The following CUX1 variants were observed in gnomAD, a reference collection of about 807,000 sequenced individuals.
CUX1 encodes cut like homeobox 1.
CUX1 carries 31 observed loss-of-function variants against 158.8 expected under a neutral mutation model. That is an observed-to-expected ratio of 0.20 (90% CI 0.15 to 0.26). CUX1 has a LOEUF of 0.26. Among genes scored for constraint, CUX1 ranks in the 10% least tolerant of loss-of-function variants. The probability of loss-of-function intolerance (pLI) is 1.00; values close to 1 mark genes in which losing one functional copy is unlikely to be tolerated. For missense variants in CUX1, 1,589 were observed against 2,014.6 expected (o/e 0.79, Z 4.04); for synonymous variants, 879 against 862.1 (o/e 1.02, Z -0.34).
chr7:102,262,846 G>A (rs1056053903), downstream of CUX1, among the ~76,000 whole-genome samples: 7 of 152,270 alleles, frequency 4.6e-5, no homozygotes, highest in African/African-American at 9.6e-5. Context: ...AAGGCTGACC[G>A]TGGGCCGCTG....
At chr7:101,833,962 T>G (rs1794345958) in intron 1 of CUX1, among the ~76,000 whole-genome samples, 1 of 151,618 alleles carries the variant, frequency 6.6e-6, no homozygotes, top group Admixed American at 6.6e-5. Flanking sequence ...ACCGAGTAGG[T>G]GGGGTGCTGG....
Position 102,227,682 on chromosome 7 carries a change from C to G in CUX1, c.3433+13C>G, listed in dbSNP as rs376812349. 6.3e-7 allele frequency: 1 copy of G among 1,599,004 alleles called. No individual in the cohort carries two copies. The highest frequency in any genetic ancestry group is 8.5e-7 in the Non-Finnish European group (1 of 1,170,550). On this transcript the variant is annotated intron_variant, in intron 21 of 23. Transcript: ENST00000292535. ...GACAACAACCTCGGTAGGTTCTCCT[C>G]TCGGCTGCTGAGTCAGGAGGTGGCA...
intron 4 of CUX1, among the ~76,000 whole-genome samples, chr7:102,076,392 TAAAATTA>T (rs1297383191): frequency 6.8e-6 from 1 of 146,372 alleles, no homozygotes; most frequent in Non-Finnish European, 1.5e-5. Flanking sequence ...AAAAAATAAA[TAAAATTA>T]AAAAAAAAAG....
chr7:102,081,048 A>G (rs1485400575), intron 4 of CUX1, among the ~76,000 whole-genome samples: 2 of 152,146 alleles, frequency 1.3e-5, no homozygotes, highest in Non-Finnish European at 1.5e-5. Context: ...TCCCCATCAC[A>G]GCAGAACTCC....
chr7:102,174,557 C>T (rs1241830241), intron 10 of CUX1, among the ~76,000 whole-genome samples: 1 of 152,234 alleles, frequency 6.6e-6, no homozygotes, highest in Non-Finnish European at 1.5e-5. Flanking sequence ...CCCCAAGCCC[C>T]TCTCTGTTTC....
chr7:101,902,651 T>G (rs1025228994), intron 1 of CUX1, among the ~76,000 whole-genome samples: 1 of 152,246 alleles, frequency 6.6e-6, no homozygotes, highest in Admixed American at 6.5e-5. Context: ...CTGTGCCGGA[T>G]GCAGCTGTGC....
At chr7:102,246,524 C>G (rs976172123) in intron 23 of CUX1, among the ~76,000 whole-genome samples, 7 of 152,110 alleles carry the variant, frequency 4.6e-5, no homozygotes, top group Admixed American at 4.6e-4. Flanking sequence ...CAGGGGAGTC[C>G]CCACAGTCAG....
chr7:101,941,478 T>C (rs973541960), intron 2 of CUX1, among the ~76,000 whole-genome samples: 8 of 152,242 alleles, frequency 5.3e-5, no homozygotes, highest in African/African-American at 1.9e-4. Context: ...AGGGCTCACA[T>C]CTTTGTTTTG....
intron 1 of CUX1, among the ~76,000 whole-genome samples, chr7:101,905,240 A>C (rs1802622397): frequency 6.6e-6 from 1 of 152,168 alleles, no homozygotes; most frequent in Non-Finnish European, 1.5e-5. Context: ...AATGTGACCT[A>C]CCCAGGAAAA....
At chr7:101,868,451 C>T (rs183343519) in intron 1 of CUX1, among the ~76,000 whole-genome samples, 4 of 152,308 alleles carry the variant, frequency 2.6e-5, no homozygotes, top group African/African-American at 9.6e-5. Context: ...TCTCCTGTCT[C>T]AGTCTTTTCC....
downstream of CUX1, among the ~76,000 whole-genome samples, chr7:102,260,570 C>CTTT (rs55642237): frequency 9.8e-5 from 5 of 51,060 alleles, no homozygotes; most frequent in Admixed American, 3.9e-4. Context: ...CCACACCTGG[C>CTTT]TTTTTTTTTT....
chr7:102,048,620 G>A (rs1823119266), intron 3 of CUX1, among the ~76,000 whole-genome samples: 1 of 152,136 alleles, frequency 6.6e-6, no homozygotes, highest in Non-Finnish European at 1.5e-5. Flanking sequence ...CCTGAGGTCA[G>A]GAGTTTGAGA....
At chr7:101,888,100 G>A (rs886541343) in intron 1 of CUX1, among the ~76,000 whole-genome samples, 1 of 152,198 alleles carries the variant, frequency 6.6e-6, no homozygotes, top group African/African-American at 2.4e-5. Context: ...TTGTGAGGCT[G>A]AGGTGGGGGG....
rs533178766 is a variant in CUX1, at chr7:102,077,815, G to A, written c.268+7398G>A. 3.3e-5 allele frequency among the ~76,000 whole-genome samples: 5 copies of A among 152,032 alleles called. No homozygotes were observed. The South Asian group carries it at 1.0e-3, about 32-fold the overall frequency. ...GTTCTAAGCAAAATTATGACAGTATGCATAATTCGTCAGTAATTAACCTTG... is the reference window on the plus strand; with the variant it reads ...GTTCTAAGCAAAATTATGACAGTATACATAATTCGTCAGTAATTAACCTTG... On this transcript the variant is annotated intron_variant, in intron 4 of 23. Transcript: ENST00000292535.
intron 2 of CUX1, among the ~76,000 whole-genome samples, chr7:101,943,712 T>C (rs1295704209): frequency 1.3e-5 from 2 of 151,748 alleles, no homozygotes; most frequent in East Asian, 1.9e-4. Flanking sequence ...ATGGGGGCAT[T>C]GATGAGTCTC....
rs578255212 is a variant in CUX1 at position 101,975,301 on chromosome 7, G to A, written c.142-52797G>A. On this transcript the variant is annotated intron_variant, in intron 2 of 23. Transcript: ENST00000292535. ...GAGAGAAAAGAAAAGGCTCACGCCT[G>A]TAATCTCAGCACTTTGGGAGGCTAA... 3.9e-5 allele frequency among the ~76,000 whole-genome samples: 6 copies of A among 152,086 alleles called. No homozygotes were observed. In the South Asian group the frequency reaches 1.2e-3, roughly 32 times the overall value.
chr7:102,112,106 G>GAAA (rs570615259), intron 7 of CUX1: 13 of 119,158 alleles, frequency 1.1e-4, no homozygotes, highest in Non-Finnish European at 1.9e-4. Context: ...AACAATAATA[G>GAAA]AAAAAAAAAA....
At chr7:102,117,864 GT>G (rs782043710) in intron 8 of CUX1, among the ~76,000 whole-genome samples, 1 of 152,214 alleles carries the variant, frequency 6.6e-6, no homozygotes, top group Non-Finnish European at 1.5e-5. Context: ...GGGCAGCCTG[GT>G]GGGGCATTTC....
At chr7:102,084,926 G>A (rs1192410481) in intron 4 of CUX1, among the ~76,000 whole-genome samples, 1 of 124,292 alleles carries the variant, frequency 8.0e-6, no homozygotes, top group Non-Finnish European at 1.6e-5. Context: ...AGTAGAGAAA[G>A]CAGACATCCT....
Sources: gnomAD v4.1 joint callset for allele counts (sites outside exome capture counted in the v4.1 genomes callset) on GRCh38, gnomAD v4.1.1 for gene constraint, MANE v1.5 for transcripts, NCBI Gene and HGNC (gene_info 2026-07-23, HGNC 2026-07-21) for gene names.